Variants in NRXN3 observed in about 807,000 individuals in gnomAD.
NRXN3 encodes the protein neurexin 3.
Under a neutral mutation model 137.6 loss-of-function variants are expected in NRXN3, and 32 were observed. The observed-to-expected ratio is 0.23, with a 90% CI of 0.18 to 0.31. The LOEUF (loss-of-function observed/expected upper bound fraction) is 0.31, where lower values mean the gene tolerates loss of function less well. Among genes scored for constraint, NRXN3 ranks in the 10% least tolerant of loss-of-function variants. NRXN3 has a pLI of 1.00. For missense variants in NRXN3, 1,574 were observed against 2,062.5 expected (o/e 0.76, Z 4.59); for synonymous variants, 798 against 784.5 (o/e 1.02, Z -0.29).
intron 4 of NRXN3, among the ~76,000 whole-genome samples, chr14:78,376,426 C>T (rs2087855694): frequency 6.6e-6 from 1 of 152,118 alleles, no homozygotes; most frequent in African/African-American, 2.4e-5. Context: ...AAAACACTGC[C>T]ACAGGGACTC....
chr14:79,816,315 G>C (rs975443382), intron 20 of NRXN3, among the ~76,000 whole-genome samples: 2 of 152,106 alleles, frequency 1.3e-5, no homozygotes, highest in Admixed American at 6.5e-5. Context: ...ATTTTGACAC[G>C]CTCCTTTGTG....
intron 15 of NRXN3, among the ~76,000 whole-genome samples, chr14:79,009,604 G>T (rs770109419): frequency 9.2e-5 from 14 of 152,116 alleles, no homozygotes; most frequent in Non-Finnish European, 1.8e-4. Context: ...TAATCAGACA[G>T]GGGTATTTCA....
At chr14:79,323,431 T>C (rs1842742966) in intron 15 of NRXN3, among the ~76,000 whole-genome samples, 1 of 152,220 alleles carries the variant, frequency 6.6e-6, no homozygotes, top group South Asian at 2.1e-4. Flanking sequence ...AAAAGGCCCA[T>C]TATTATTCAA....
chr14:79,662,612 A>G (rs1425419003), intron 16 of NRXN3, among the ~76,000 whole-genome samples: 1 of 152,122 alleles, frequency 6.6e-6, no homozygotes, highest in Non-Finnish European at 1.5e-5. Context: ...AGTGATTTAT[A>G]AAGAAAAGAG....
At chr14:79,617,714 A>G (rs1241036309) in intron 16 of NRXN3, among the ~76,000 whole-genome samples, 1 of 152,082 alleles carries the variant, frequency 6.6e-6, no homozygotes, top group African/African-American at 2.4e-5. Flanking sequence ...AAAGGGATGT[A>G]GAAAGAGACA....
chr14:78,307,814 A>G (rs1251167837), intron 4 of NRXN3, among the ~76,000 whole-genome samples: 3 of 152,174 alleles, frequency 2.0e-5, no homozygotes, highest in Non-Finnish European at 4.4e-5. Context: ...TCTTGACATA[A>G]TAACAATCAC....
chr14:78,276,401 C>G (rs1415295483), intron 2 of NRXN3, among the ~76,000 whole-genome samples: 1 of 152,112 alleles, frequency 6.6e-6, no homozygotes, highest in Non-Finnish European at 1.5e-5. Context: ...TTCCTGTGAT[C>G]TCTTGGTGTT....
chr14:78,760,071 C>T (rs1405175116), intron 8 of NRXN3, among the ~76,000 whole-genome samples: 1 of 98,298 alleles, frequency 1.0e-5, no homozygotes, highest in Non-Finnish European at 1.8e-5. Context: ...GACGGAGTTT[C>T]GCTCTTGTTG....
intron 19 of NRXN3, among the ~76,000 whole-genome samples, chr14:79,702,458 T>G (rs1267550436): frequency 6.6e-6 from 1 of 151,978 alleles, no homozygotes; most frequent in Non-Finnish European, 1.5e-5. Flanking sequence ...CTACTAGGCC[T>G]TGTTGTAAAA....
At chr14:79,834,711 A>G (rs747560361) in intron 20 of NRXN3, among the ~76,000 whole-genome samples, 4 of 152,136 alleles carry the variant, frequency 2.6e-5, no homozygotes, top group Non-Finnish European at 4.4e-5. Context: ...GAAAGTTTGC[A>G]TTCATTCCCA....
At position 78,966,206 on chromosome 14, in the gene NRXN3, G is replaced by T; in HGVS notation, c.2577G>T (p.Leu859=). The T allele has an allele frequency of 6.2e-7, 1 of 1,614,190 alleles. No individual in the cohort carries two copies. Among genetic ancestry groups the T allele is most frequent in the Non-Finnish European group, 8.5e-7 (1 of 1,180,040 alleles). ...CKNGDIDYCE[L]KARFGLRNII... ...ATGGTGACATTGATTATTGTGAGCT[G>T]AAGGCTCGTTTTGGACTGAGGAACA... Residue 859 remains leucine, a synonymous_variant, in exon 12 of 21, where the codon CTG becomes CTT. Coordinates refer to ENST00000335750, the MANE Select transcript of NRXN3 (RefSeq NM_001330195.2).
At chr14:79,384,858 G>A (rs183050906) in intron 15 of NRXN3, among the ~76,000 whole-genome samples, 67 of 152,292 alleles carry the variant, frequency 4.4e-4, no homozygotes, top group African/African-American at 1.5e-3. Context: ...AATAATGCAT[G>A]TAAGTAAAAT....
chr14:79,602,347 T>G (rs1056931063), intron 16 of NRXN3, among the ~76,000 whole-genome samples: 8 of 152,254 alleles, frequency 5.3e-5, no homozygotes, highest in African/African-American at 1.9e-4. Context: ...CTGAGTTCAT[T>G]GACAGTGCTT....
chr14:79,505,025 A>G (rs1267696145), intron 16 of NRXN3, among the ~76,000 whole-genome samples: 7 of 152,086 alleles, frequency 4.6e-5, no homozygotes, highest in African/African-American at 1.7e-4. Context: ...GACCAGCCTG[A>G]ACAACATGGC....
intron 19 of NRXN3, among the ~76,000 whole-genome samples, chr14:79,743,649 G>T (rs2098970166): frequency 6.6e-6 from 1 of 152,144 alleles, no homozygotes; most frequent in Non-Finnish European, 1.5e-5. Flanking sequence ...TCATCTCAGG[G>T]TCCCTTCCAA....
chr14:79,142,217 G>A (rs372431041), intron 15 of NRXN3, among the ~76,000 whole-genome samples: 8 of 151,982 alleles, frequency 5.3e-5, no homozygotes, highest in Admixed American at 2.6e-4. Flanking sequence ...TCACAAAGTC[G>A]GGATACAAGA....
At chr14:79,651,498 AG>A (rs2098475699) in intron 16 of NRXN3, among the ~76,000 whole-genome samples, 1 of 152,174 alleles carries the variant, frequency 6.6e-6, no homozygotes, top group Admixed American at 6.5e-5. Flanking sequence ...TAGAACATAA[AG>A]ATGCATTTTC....
intron 10 of NRXN3, among the ~76,000 whole-genome samples, chr14:78,924,433 G>C (rs1040375953): frequency 2.6e-5 from 4 of 152,086 alleles, no homozygotes; most frequent in Non-Finnish European, 4.4e-5. Context: ...ACATCCCTAA[G>C]CTCCCACTGA....
At chr14:78,214,972 CTT>C (rs2063109957) in intron 1 of NRXN3, among the ~76,000 whole-genome samples, 1 of 152,196 alleles carries the variant, frequency 6.6e-6, no homozygotes, top group African/African-American at 2.4e-5. Context: ...CTGTAGGACT[CTT>C]TCTTCGTCTG....
Sources: gnomAD v4.1 joint callset for allele counts (sites outside exome capture counted in the v4.1 genomes callset) on GRCh38, gnomAD v4.1.1 for gene constraint, MANE v1.5 for transcripts, NCBI Gene and HGNC (gene_info 2026-07-23, HGNC 2026-07-21) for gene names.